Variants in PDLIM1 observed in about 807,000 individuals in gnomAD.
PDLIM1 encodes the protein PDZ and LIM domain protein 1.
In PDLIM1, 25 loss-of-function variants were observed where a neutral mutation model predicts 35.2. The ratio of observed to expected loss-of-function variants is 0.71; its 90% CI spans 0.52 to 0.99. The LOEUF is 0.99. PDLIM1 is among the 50% of genes least tolerant of loss of function. The pLI is 0.00. For synonymous variants in PDLIM1, 152 were observed against 154.0 expected (o/e 0.99, Z 0.10); for missense variants, 363 against 415.3 (o/e 0.87, Z 1.09).
intron 4 of PDLIM1, among the ~76,000 whole-genome samples, chr10:95,252,785 GGAAA>G (rs2035277460): frequency 6.6e-6 from 1 of 151,926 alleles, no homozygotes; most frequent in Admixed American, 6.5e-5. Context: ...AGGAGACAAA[GGAAA>G]GAATCAGTGA....
chr10:95,249,877 T>G (rs1460764775), intron 4 of PDLIM1, among the ~76,000 whole-genome samples: 2 of 152,280 alleles, frequency 1.3e-5, no homozygotes, highest in African/African-American at 2.4e-5. Context: ...AGTAGCAAGA[T>G]TCATGGGTTG....
chr10:95,238,128 G>A lies in PDLIM1; in HGVS notation c.804-17C>T, dbSNP rs1435689882. Reference sequence around the variant, plus strand: ...AACACACCACTACAGAAGCAAGGGAGGGAAGGGACTCCATCAGTGACAAGC... The same window carrying A: ...AACACACCACTACAGAAGCAAGGGAAGGAAGGGACTCCATCAGTGACAAGC... On this transcript the variant is annotated splice_polypyrimidine_tract_variant and intron_variant, in intron 6 of 6. Coordinates refer to ENST00000329399, the MANE Select transcript of PDLIM1 (RefSeq NM_020992.4). 2 of 1,607,068 alleles carry A rather than the reference G, an allele frequency of 1.2e-6. No homozygotes were observed. Among genetic ancestry groups the A allele is most frequent in the East Asian group, 2.2e-5 (1 of 44,766 alleles).
At chr10:95,273,793 A>G (rs556032170) in intron 1 of PDLIM1, among the ~76,000 whole-genome samples, 44 of 152,306 alleles carry the variant, frequency 2.9e-4, no homozygotes, top group African/African-American at 1.0e-3. Context: ...TGAGTCATCC[A>G]GTGCATGCAA....
Position 95,290,708 on chromosome 10 carries a change from A to G in PDLIM1, c.96+112T>C, listed in dbSNP as rs1305295962. On this transcript the variant is annotated intron_variant, in intron 1 of 6. Transcript: ENST00000329399. The surrounding 1 kb of genome is among the most constrained non-coding windows in gnomAD (Gnocchi z 4.7). The stretch of plus-strand genomic sequence containing the variant: ...AGCGCTCAACTAACAGCGCACCTGG[A>G]CGCGCCCGGCTGCGGTTCCGACTCC... 3 of 570,332 alleles carry G rather than the reference A, an allele frequency of 5.3e-6. No individual in the cohort carries two copies. Among genetic ancestry groups the G allele is most frequent in the East Asian group, 3.6e-5 (1 of 27,786 alleles). The allele number at this position is 570,332 out of a possible 1,614,324, so 35.3% of individuals were successfully genotyped here.
At chr10:95,284,620 C>T (rs1446307655) in intron 1 of PDLIM1, among the ~76,000 whole-genome samples, 1 of 152,184 alleles carries the variant, frequency 6.6e-6, no homozygotes, top group Non-Finnish European at 1.5e-5. Context: ...TCCCAAAGTG[C>T]TGGGATTACA....
At chr10:95,243,617 C>G (rs2133410242) in intron 5 of PDLIM1, among the ~76,000 whole-genome samples, 1 of 152,278 alleles carries the variant, frequency 6.6e-6, no homozygotes, top group Middle Eastern at 3.4e-3. Flanking sequence ...CTGAACTAGT[C>G]TCCAGTTTTC....
In PDLIM1 at chr10:95,282,471, G is replaced by A. The variant is rs45626742; in HGVS notation, c.96+8349C>T. Among the ~76,000 whole-genome samples the A allele has an allele frequency of 5.4e-3, 822 of 152,332 alleles. 5 individuals carry two copies. The highest frequency in any genetic ancestry group is 0.019 in the African/African-American group (773 of 41,570). On this transcript the variant is annotated intron_variant, in intron 1 of 6. Coordinates refer to ENST00000329399, the MANE Select transcript of PDLIM1 (RefSeq NM_020992.4). ...AAATAGGGTAGATGCTTGTAGATAAGTTGCACCTTAATCCAGCTTCACACT... is the reference window on the plus strand; with the variant it reads ...AAATAGGGTAGATGCTTGTAGATAAATTGCACCTTAATCCAGCTTCACACT...
chr10:95,252,717 T>C (rs2035277113), intron 4 of PDLIM1, among the ~76,000 whole-genome samples: 1 of 152,120 alleles, frequency 6.6e-6, no homozygotes, highest in South Asian at 2.1e-4. Flanking sequence ...ATGGAAATTC[T>C]AGAACTGACA....
intron 1 of PDLIM1, among the ~76,000 whole-genome samples, chr10:95,272,752 A>G (rs1349842250): frequency 1.3e-5 from 2 of 152,126 alleles, no homozygotes; most frequent in Non-Finnish European, 2.9e-5. Context: ...GTATAGGTTT[A>G]TACTGGTTTA....
chr10:95,237,833 G>A lies in PDLIM1; in HGVS notation c.*92C>T. The A allele has an allele frequency of 8.9e-7, 1 of 1,119,778 alleles. No individual in the cohort carries two copies. The highest frequency in any genetic ancestry group is 1.6e-5 in the South Asian group (1 of 63,832). 69.4% of individuals were successfully genotyped at this position (1,119,778 alleles called of 1,614,324 possible). Reference sequence around the variant, plus strand: ...ACAAGCAGAGGGAAAACCAAAGTAAGCAGAGAACTTTCAAGAGAGGAGAGG... The same window carrying A: ...ACAAGCAGAGGGAAAACCAAAGTAAACAGAGAACTTTCAAGAGAGGAGAGG... On this transcript the variant is annotated 3_prime_UTR_variant, in exon 7 of 7. Coordinates refer to ENST00000329399, the MANE Select transcript of PDLIM1 (RefSeq NM_020992.4).
At chr10:95,249,351 C>A (rs2035248740) in intron 4 of PDLIM1, among the ~76,000 whole-genome samples, 1 of 152,200 alleles carries the variant, frequency 6.6e-6, no homozygotes, top group Non-Finnish European at 1.5e-5. Flanking sequence ...GGCCAGTGTG[C>A]CCAGTGGAAC....
intron 4 of PDLIM1, among the ~76,000 whole-genome samples, chr10:95,250,551 T>TA (rs1370690979): frequency 3.3e-5 from 5 of 152,048 alleles, no homozygotes; most frequent in Admixed American, 2.6e-4. Flanking sequence ...CACAATATCT[T>TA]AAAAAATGAT....
chr10:95,257,038 G>GAAAGAAAGAAAGAAAGAAAT lies in PDLIM1; in HGVS notation c.533+6825_533+6826insATTTCTTTCTTTCTTTCTTT, dbSNP rs1440640324. 4.3e-3 allele frequency among the ~76,000 whole-genome samples: 553 copies of GAAAGAAAGAAAGAAAGAAAT among 129,734 alleles called. 19 individuals are homozygous for GAAAGAAAGAAAGAAAGAAAT. The highest frequency in any genetic ancestry group is 0.015 in the African/African-American group (502 of 33,134). The allele number at this position is 129,734 out of a possible 152,430, so 85.1% of individuals were successfully genotyped here. Reference sequence around the variant, plus strand: ...AGAAAGAAAGAAAGAAAGAAAGAAAGAATTCAAAATAGATTAAAGACCAAC... The same window carrying GAAAGAAAGAAAGAAAGAAAT: ...AGAAAGAAAGAAAGAAAGAAAGAAAGAAAGAAAGAAAGAAAGAAATAATTCAAAATAGATTAAAGACCAAC... On this transcript the variant is annotated intron_variant, in intron 4 of 6. Transcript: ENST00000329399.
At chr10:95,251,132 G>A (rs2133415615) in intron 4 of PDLIM1, among the ~76,000 whole-genome samples, 1 of 152,268 alleles carries the variant, frequency 6.6e-6, no homozygotes, top group Admixed American at 6.5e-5. Context: ...AGGATGGAAA[G>A]CAGTACGCCC....
intron 4 of PDLIM1, among the ~76,000 whole-genome samples, chr10:95,256,571 G>C (rs1037193736): frequency 2.4e-4 from 37 of 152,194 alleles, no homozygotes; most frequent in Admixed American, 2.4e-3. Context: ...TTCAACAAGG[G>C]TGCCACAGCT....
At position 95,237,997 on chromosome 10, in the gene PDLIM1, G is replaced by A. The variant is rs147722437; in HGVS notation, c.918C>T (p.Tyr306=). 136 of 1,614,170 alleles carry A rather than the reference G, an allele frequency of 8.4e-5. No individual in the cohort carries two copies. The African/African-American group carries it at 1.6e-3, about 19-fold the overall frequency. The change falls in exon 7 of 7, where the codon TAC becomes TAT. Residue 306 remains tyrosine, a synonymous_variant. Transcript: ENST00000329399. ...CTCGCTCCCGGGCATGCTTCTCACA[G>A]TAGATTTGATCCTCCACAAAGAAAT... ...KGHFFVEDQI[Y]CEKHARERVT...
chr10:95,276,497 G>A (rs2035512735), intron 1 of PDLIM1, among the ~76,000 whole-genome samples: 1 of 152,228 alleles, frequency 6.6e-6, no homozygotes, highest in Admixed American at 6.5e-5. Flanking sequence ...AGGGTTACAG[G>A]AGAGAAGGCC....
At chr10:95,264,329 G>T (rs1057048722) in intron 3 of PDLIM1, among the ~76,000 whole-genome samples, 1 of 152,174 alleles carries the variant, frequency 6.6e-6, no homozygotes, top group Non-Finnish European at 1.5e-5. Context: ...AGCAAAGCCT[G>T]CCCTCTAAGG....
chr10:95,251,233 G>GT (rs1269625021), intron 4 of PDLIM1, among the ~76,000 whole-genome samples: 3 of 132,610 alleles, frequency 2.3e-5, no homozygotes, highest in Non-Finnish European at 5.1e-5. Context: ...GATATAAGGG[G>GT]CTTTTTTTTT....
Sources: gnomAD v4.1 joint callset for allele counts (sites outside exome capture counted in the v4.1 genomes callset) on GRCh38, gnomAD v4.1.1 for gene constraint, Gnocchi (gnomAD v3.1) non-coding constraint, MANE v1.5 for transcripts, NCBI Gene and HGNC (gene_info 2026-07-23, HGNC 2026-07-21) for gene names.